Variants in IGFBP5 observed in about 807,000 individuals in gnomAD.
The protein encoded by IGFBP5 is insulin-like growth factor-binding protein 5.
A neutral mutation model predicts 28.0 loss-of-function variants in IGFBP5; 12 were observed. That is an observed-to-expected ratio of 0.43 (90% confidence interval 0.27 to 0.69). The LOEUF (loss-of-function observed/expected upper bound fraction) is 0.69, where lower values mean the gene tolerates loss of function less well. Ranked by LOEUF, IGFBP5 falls within the 30% of genes least tolerant of loss-of-function variation. The pLI, the probability that IGFBP5 is intolerant of heterozygous loss-of-function variation, is 0.20. For synonymous variants in IGFBP5, 152 were observed against 150.2 expected, an observed-to-expected ratio of 1.01 and a Z score of -0.09; for missense variants, 344 against 381.6, an observed-to-expected ratio of 0.90 and a Z score of 0.82.
intron 1 of IGFBP5, among the ~76,000 whole-genome samples, chr2:216,693,546 C>T (rs1689127263): frequency 6.6e-6 from 1 of 151,996 alleles, no homozygotes; most frequent in South Asian, 2.1e-4. Flanking sequence ...CTGAATCTCA[C>T]ATCCCCTTTT....
rs1019225128 is a variant in IGFBP5, at chr2:216,674,934, T to C, written c.*1817A>G. 5 of 152,200 alleles carry C rather than the reference T, an allele frequency of 3.3e-5. No homozygotes were observed. The highest frequency in any genetic ancestry group is 2.1e-4 in the South Asian group (1 of 4,830). 9.4% of individuals were successfully genotyped at this position (152,200 alleles called of 1,614,324 possible). ...CCAGTTTAGACTGATTCTTCCTATC[T>C]GGCTTCTAAAGTCTAGCACCCTCCT... On this transcript the variant is annotated 3_prime_UTR_variant, in exon 4 of 4. Transcript: ENST00000233813. This position sits in a 1 kb window ranked among gnomAD's most constrained non-coding sequence, Gnocchi z 4.4.
Position 216,679,442 on chromosome 2 carries a change from G to A in IGFBP5, c.338-363C>T, listed in dbSNP as rs1029598716. Among the ~76,000 whole-genome samples the A allele has an allele frequency of 5.3e-5, 8 of 152,154 alleles. No individual in the cohort carries two copies. The highest frequency in any genetic ancestry group is 1.2e-4 in the Non-Finnish European group (8 of 68,034). ...TCTGCAAGGATGAAGGTGGCAGCGA[G>A]CGGTTTGCTTGCTGGGGGATGGCCA... On this transcript the variant is annotated intron_variant, in intron 1 of 3. Transcript: ENST00000233813. The surrounding 1 kb of genome is among the most constrained non-coding windows in gnomAD (Gnocchi z 4.6).
chr2:216,694,204 C>A lies in IGFBP5; in HGVS notation c.337+235G>T, dbSNP rs943262291. Reference sequence around the variant, plus strand: ...CAGAGTAGGGGGAGGGGGCGGGCAACGTGTGGGTAGGAGGAAGGAGAAAGA... The same window carrying A: ...CAGAGTAGGGGGAGGGGGCGGGCAAAGTGTGGGTAGGAGGAAGGAGAAAGA... On this transcript the variant is annotated intron_variant, in intron 1 of 3. Transcript: ENST00000233813. The surrounding 1 kb of genome is among the most constrained non-coding windows in gnomAD (Gnocchi z 5.2). 6.6e-6 allele frequency among the ~76,000 whole-genome samples: 1 copy of A among 151,894 alleles called. No homozygotes were observed. The highest frequency in any genetic ancestry group is 1.5e-5 in the Non-Finnish European group (1 of 67,978).
At position 216,674,405 on chromosome 2, in the gene IGFBP5, G is replaced by A. The variant is rs558770427; in HGVS notation, c.*2346C>T. 2 of 152,900 alleles carry A rather than the reference G, an allele frequency of 1.3e-5. No homozygotes were observed. The highest frequency in any genetic ancestry group is 4.1e-4 in the South Asian group (2 of 4,824). 9.5% of individuals were successfully genotyped at this position (152,900 alleles called of 1,614,324 possible). A position where few individuals can be genotyped will look rare whatever the true frequency, so the allele number is the denominator to read the frequency against. On this transcript the variant is annotated 3_prime_UTR_variant, in exon 4 of 4. Coordinates refer to ENST00000233813, the MANE Select transcript of IGFBP5 (RefSeq NM_000599.4). The surrounding 1 kb of genome is among the most constrained non-coding windows in gnomAD (Gnocchi z 4.4). ...CTCATGAAGATTGAGCACTTCTCCT[G>A]TCCCCAGCCAACTGTCCTGTCCAGG...
intron 1 of IGFBP5, among the ~76,000 whole-genome samples, chr2:216,685,792 G>A (rs945865173): frequency 6.6e-6 from 1 of 152,224 alleles, no homozygotes; most frequent in African/African-American, 2.4e-5. Flanking sequence ...TTCCAGGGAA[G>A]TGGCAACATC....
chr2:216,677,215 A>T (rs1388246247), intron 3 of IGFBP5, among the ~76,000 whole-genome samples: 1 of 151,996 alleles, frequency 6.6e-6, no homozygotes, highest in Non-Finnish European at 1.5e-5. Context: ...CTGGGATTAC[A>T]GGCGTGAGCC....
chr2:216,678,317 TGAAGGG>T (rs1559186079), intron 2 of IGFBP5, 86 bp from the exon 3 acceptor site: 2 of 1,364,572 alleles, frequency 1.5e-6, no homozygotes, highest in African/African-American at 2.9e-5. Flanking sequence ...GGGTGGGGGC[TGAAGGG>T]TCTCTGGAGG....
In IGFBP5 at chr2:216,678,105, G is replaced by T. The variant is rs756382783; in HGVS notation, c.687+7C>A. On this transcript the variant is annotated splice_region_variant and intron_variant, in intron 3 of 3. Transcript: ENST00000233813. Reference sequence around the variant, plus strand: ...TCTGAGCCTGGAGCTCAGGGCAGGGGACGTACCTGCTTTCTCTTGTAGAAT... The same window carrying T: ...TCTGAGCCTGGAGCTCAGGGCAGGGTACGTACCTGCTTTCTCTTGTAGAAT... 1.3e-6 allele frequency: 2 copies of T among 1,501,048 alleles called. No homozygotes were observed. The highest frequency in any genetic ancestry group is 1.8e-6 in the Non-Finnish European group (2 of 1,114,628). The allele number at this position is 1,501,048 out of a possible 1,614,324, so 93.0% of individuals were successfully genotyped here.
At position 216,678,840 on chromosome 2, in the gene IGFBP5, C is replaced by T. The variant is rs775725672; in HGVS notation, c.567+10G>A. On this transcript the variant is annotated intron_variant, in intron 2 of 3. Coordinates refer to ENST00000233813, the MANE Select transcript of IGFBP5 (RefSeq NM_000599.4). Reference sequence around the variant, plus strand: ...AGCTGGGAGGGAATGAGGGAATCCCCGAGATGCACCTGCTCAGACTCCTGT... The same window carrying T: ...AGCTGGGAGGGAATGAGGGAATCCCTGAGATGCACCTGCTCAGACTCCTGT... 43 of 1,605,054 alleles carry T rather than the reference C, an allele frequency of 2.7e-5. No homozygotes were observed. Among genetic ancestry groups the T allele is most frequent in the East Asian group, 1.3e-4 (6 of 44,722 alleles).
Position 216,673,020 on chromosome 2 carries a change from A to G in IGFBP5, c.*3731T>C, listed in dbSNP as rs1688852716. The G allele has an allele frequency of 6.6e-6, 1 of 152,636 alleles. No individual in the cohort carries two copies. Among genetic ancestry groups the G allele is most frequent in the South Asian group, 2.1e-4 (1 of 4,826 alleles). 9.5% of individuals were successfully genotyped at this position (152,636 alleles called of 1,614,324 possible). A position where few individuals can be genotyped will look rare whatever the true frequency, so the allele number is the denominator to read the frequency against. On this transcript the variant is annotated 3_prime_UTR_variant, in exon 4 of 4. Transcript: ENST00000233813. This position sits in a 1 kb window ranked among gnomAD's most constrained non-coding sequence, Gnocchi z 4.3. Reference sequence around the variant, plus strand: ...GCCTCCTTTCTCTTGGAAGCCAGACATATCCTCTCTGACGCTATGGGGTTT... The same window carrying G: ...GCCTCCTTTCTCTTGGAAGCCAGACGTATCCTCTCTGACGCTATGGGGTTT...
chr2:216,674,353 G>T lies in IGFBP5; in HGVS notation c.*2398C>A, dbSNP rs912777803. ...TGACTCGGCAGGTCAAGGCCTTGTG[G>T]CTGCTGGCCCTATCGGGCCCCTTTG... On this transcript the variant is annotated 3_prime_UTR_variant, in exon 4 of 4. Coordinates refer to ENST00000233813, the MANE Select transcript of IGFBP5 (RefSeq NM_000599.4). The surrounding 1 kb of genome is among the most constrained non-coding windows in gnomAD (Gnocchi z 4.4). 3 of 153,246 alleles carry T rather than the reference G, an allele frequency of 2.0e-5. No homozygotes were observed. The highest frequency in any genetic ancestry group is 7.2e-5 in the African/African-American group (3 of 41,454). 9.5% of individuals were successfully genotyped at this position (153,246 alleles called of 1,614,324 possible). A position where few individuals can be genotyped will look rare whatever the true frequency, so the allele number is the denominator to read the frequency against.
chr2:216,689,291 A>T (rs1039603646), intron 1 of IGFBP5, among the ~76,000 whole-genome samples: 1 of 152,214 alleles, frequency 6.6e-6, no homozygotes, highest in Non-Finnish European at 1.5e-5. Flanking sequence ...GGTTTGGCGC[A>T]TGGACCTGAA....
chr2:216,687,291 C>A (rs1689043452), intron 1 of IGFBP5, among the ~76,000 whole-genome samples: 1 of 152,186 alleles, frequency 6.6e-6, no homozygotes, highest in African/African-American at 2.4e-5. Context: ...TAACCCCATT[C>A]CTTCATGCTG....
intron 1 of IGFBP5, among the ~76,000 whole-genome samples, chr2:216,693,713 T>C (rs11575128): frequency 0.014 from 2,203 of 152,160 alleles, 22 homozygotes; most frequent in Non-Finnish European, 0.022. Context: ...ACTCCTAAAG[T>C]ATTTTTTTCC....
In IGFBP5 at chr2:216,676,293, G is replaced by C. The variant is rs986693577; in HGVS notation, c.*458C>G. On this transcript the variant is annotated 3_prime_UTR_variant, in exon 4 of 4. Transcript: ENST00000233813. ...AGTGTCATTGATTGCCACATCCTGG[G>C]CTGCATCTTCTAGCGCCCACCTCTC... is the stretch of plus-strand genomic sequence containing the variant. 4 of 159,538 alleles carry C rather than the reference G, an allele frequency of 2.5e-5. No individual in the cohort carries two copies. The highest frequency in any genetic ancestry group is 5.5e-5 in the Non-Finnish European group (4 of 73,170). 9.9% of individuals were successfully genotyped at this position (159,538 alleles called of 1,614,324 possible).
intron 3 of IGFBP5, among the ~76,000 whole-genome samples, chr2:216,677,235 G>A (rs993237897): frequency 1.3e-5 from 2 of 151,954 alleles, no homozygotes; most frequent in African/African-American, 4.8e-5. Flanking sequence ...CACTGTGCCT[G>A]GCTTATAGTC....
Position 216,694,915 on chromosome 2 carries a change from C to T in IGFBP5, c.-140G>A. 1.9e-6 allele frequency: 1 copy of T among 517,566 alleles called. No homozygotes were observed. Among genetic ancestry groups the T allele is most frequent in the Non-Finnish European group, 3.1e-6 (1 of 326,424 alleles). The allele number at this position is 517,566 out of a possible 1,614,324, so 32.1% of individuals were successfully genotyped here. On this transcript the variant is annotated 5_prime_UTR_variant, in exon 1 of 4. Coordinates refer to ENST00000233813, the MANE Select transcript of IGFBP5 (RefSeq NM_000599.4). This position sits in a 1 kb window ranked among gnomAD's most constrained non-coding sequence, Gnocchi z 5.2. The stretch of plus-strand genomic sequence containing the variant: ...TCTGGCAGGTAGAGCAGGTGCCCTC[C>T]CCCAGACACTTGCAAAAATGTAGAG...
Position 216,692,404 on chromosome 2 carries a change from A to T in IGFBP5, c.337+2035T>A, listed in dbSNP as rs1324578299. On this transcript the variant is annotated intron_variant, in intron 1 of 3. Transcript: ENST00000233813. The surrounding 1 kb of genome is among the most constrained non-coding windows in gnomAD (Gnocchi z 4.2). ...GTGTGTGTGTGTGTGTGTGTGTGTG[A>T]TGCGCCCTCCGTGCTCGCCTAGCAA... Among the ~76,000 whole-genome samples the T allele has an allele frequency of 1.4e-5, 1 of 72,388 alleles. No homozygotes were observed. The highest frequency in any genetic ancestry group is 3.4e-5 in the Non-Finnish European group (1 of 29,250). The allele number at this position is 72,388 out of a possible 152,430, so 47.5% of individuals were successfully genotyped here.
At chr2:216,689,168 C>T (rs1278054151) in intron 1 of IGFBP5, among the ~76,000 whole-genome samples, 9 of 152,192 alleles carry the variant, frequency 5.9e-5, no homozygotes, top group Non-Finnish European at 1.0e-4. Flanking sequence ...CTGTTGGAAG[C>T]GGGCCACTTC....
Sources: allele counts gnomAD v4.1 joint callset (sites outside exome capture counted in the v4.1 genomes callset), GRCh38; gene constraint gnomAD v4.1.1; non-coding constraint Gnocchi (gnomAD v3.1); transcripts MANE v1.5; gene names NCBI Gene and HGNC (gene_info 2026-07-23, HGNC 2026-07-21).